TMCC1: variants seen among roughly 807,000 people sequenced by gnomAD.
The protein encoded by TMCC1 is transmembrane and coiled-coil domains protein 1.
A neutral mutation model predicts 52.4 loss-of-function variants in TMCC1; 15 were observed. The ratio of observed to expected loss-of-function variants is 0.29; its 90% CI spans 0.19 to 0.44. The LOEUF is 0.44. Among genes scored for constraint, TMCC1 ranks in the 20% least tolerant of loss-of-function variants. The pLI, the probability that TMCC1 is intolerant of heterozygous loss-of-function variation, is 1.00. For missense variants in TMCC1, 503 were observed against 806.0 expected (o/e 0.62, Z 4.55); for synonymous variants, 279 against 301.9 (o/e 0.92, Z 0.79).
chr3:129,732,607 T>C (rs2050630175), intron 4 of TMCC1, among the ~76,000 whole-genome samples: 1 of 152,096 alleles, frequency 6.6e-6, no homozygotes, highest in Non-Finnish European at 1.5e-5. Flanking sequence ...AGAAAGCTGG[T>C]ATGTTATTTA....
intron 4 of TMCC1, among the ~76,000 whole-genome samples, chr3:129,695,019 C>T (rs1340141203): frequency 7.4e-6 from 1 of 134,654 alleles, no homozygotes; most frequent in African/African-American, 2.7e-5. Context: ...ATCACTTAAG[C>T]CCAGGAGTTG....
intron 2 of TMCC1, among the ~76,000 whole-genome samples, chr3:129,869,901 C>T (rs2060832518): frequency 1.3e-5 from 2 of 152,210 alleles, no homozygotes; most frequent in South Asian, 4.1e-4. Context: ...ATACTGTCCT[C>T]AACAGCAGAA....
At chr3:129,716,764 C>A (rs1040026924) in intron 4 of TMCC1, among the ~76,000 whole-genome samples, 8 of 152,050 alleles carry the variant, frequency 5.3e-5, no homozygotes, top group South Asian at 2.1e-4. Flanking sequence ...GCCATTCATG[C>A]CAAGCTCCCT....
intron 4 of TMCC1, among the ~76,000 whole-genome samples, chr3:129,791,971 CA>C (rs1560428297): frequency 6.6e-6 from 1 of 152,024 alleles, no homozygotes; most frequent in Non-Finnish European, 1.5e-5. Context: ...AAAATTACTG[CA>C]AACGTTTATA....
chr3:129,755,633 C>T (rs1048957055), intron 4 of TMCC1, among the ~76,000 whole-genome samples: 4 of 152,066 alleles, frequency 2.6e-5, no homozygotes, highest in African/African-American at 4.8e-5. Flanking sequence ...CGAACAAACA[C>T]GTGAAAAGAT....
At chr3:129,686,685 C>T (rs1365207154) in intron 4 of TMCC1, among the ~76,000 whole-genome samples, 2 of 151,884 alleles carry the variant, frequency 1.3e-5, no homozygotes, top group Non-Finnish European at 2.9e-5. Context: ...GTGTAAAGTG[C>T]TACAAAGAAA....
At chr3:129,876,684 G>T (rs2061230175) in intron 2 of TMCC1, among the ~76,000 whole-genome samples, 1 of 152,170 alleles carries the variant, frequency 6.6e-6, no homozygotes, top group South Asian at 2.1e-4. Context: ...GCTGGGCGCG[G>T]TGGCTCACGC....
intron 4 of TMCC1, among the ~76,000 whole-genome samples, chr3:129,681,365 C>T (rs966312607): frequency 2.6e-5 from 4 of 151,912 alleles, no homozygotes; most frequent in African/African-American, 7.3e-5. Flanking sequence ...TATAGGAATA[C>T]TCACGGTTTG....
chr3:129,771,172 G>T (rs2054549956), intron 4 of TMCC1, among the ~76,000 whole-genome samples: 1 of 152,126 alleles, frequency 6.6e-6, no homozygotes, highest in South Asian at 2.1e-4. Flanking sequence ...CATAAAGAGT[G>T]GGTACAATTT....
chr3:129,891,920 G>A (rs1372404979), intron 1 of TMCC1, among the ~76,000 whole-genome samples: 1 of 152,168 alleles, frequency 6.6e-6, no homozygotes, highest in Non-Finnish European at 1.5e-5. Flanking sequence ...AAGTAATGGT[G>A]GTTGGTCACC....
intron 4 of TMCC1, among the ~76,000 whole-genome samples, chr3:129,731,465 C>T (rs183103323): frequency 3.0e-3 from 450 of 152,278 alleles, no homozygotes; most frequent in Non-Finnish European, 5.1e-3. Flanking sequence ...GTAATCCCAG[C>T]TACTTGGGAG....
chr3:129,736,742 G>A (rs932186791), intron 4 of TMCC1, among the ~76,000 whole-genome samples: 8 of 151,824 alleles, frequency 5.3e-5, no homozygotes, highest in Admixed American at 3.3e-4. Context: ...GGCTGGTCTC[G>A]AACTCCTGAC....
intron 4 of TMCC1, among the ~76,000 whole-genome samples, chr3:129,685,209 G>A (rs1265794589): frequency 6.6e-6 from 1 of 151,986 alleles, no homozygotes. Flanking sequence ...GAAAGACCAT[G>A]TCTTTACAAA....
At chr3:129,773,507 GCT>G (rs2054780186) in intron 4 of TMCC1, among the ~76,000 whole-genome samples, 1 of 152,086 alleles carries the variant, frequency 6.6e-6, no homozygotes, top group Non-Finnish European at 1.5e-5. Flanking sequence ...CCATGTAAAT[GCT>G]CTATTTAATT....
intron 4 of TMCC1, among the ~76,000 whole-genome samples, chr3:129,681,751 T>C (rs1160688491): frequency 1.3e-5 from 2 of 151,608 alleles, no homozygotes; most frequent in Admixed American, 6.6e-5. Flanking sequence ...TTACTAAAAA[T>C]ACAAAAATTA....
intron 4 of TMCC1, among the ~76,000 whole-genome samples, chr3:129,778,362 C>T (rs2055211928): frequency 6.6e-6 from 1 of 152,152 alleles, no homozygotes; most frequent in Non-Finnish European, 1.5e-5. Context: ...TTAGAAAAGA[C>T]AGGAATTCTA....
intron 2 of TMCC1, among the ~76,000 whole-genome samples, chr3:129,859,651 T>TACAC (rs59213877): frequency 1.3e-4 from 20 of 148,690 alleles, no homozygotes; most frequent in African/African-American, 5.0e-4. Flanking sequence ...CACACACACA[T>TACAC]ACACACACAC....
chr3:129,758,382 C>T (rs1016676723), intron 4 of TMCC1, among the ~76,000 whole-genome samples: 6 of 152,232 alleles, frequency 3.9e-5, no homozygotes, highest in Admixed American at 6.5e-5. Context: ...TACAGATGTG[C>T]GCATATGTGA....
At chr3:129,671,347 G>A in intron 4 of TMCC1, 83 bp from the exon 5 acceptor site, 1 of 1,368,586 alleles carries the variant, frequency 7.3e-7, no homozygotes, top group African/African-American at 1.5e-5. Flanking sequence ...TATTGGAAAT[G>A]TGTCTACTCT....
Sources: gnomAD v4.1 joint callset for allele counts (sites outside exome capture counted in the v4.1 genomes callset) on GRCh38, gnomAD v4.1.1 for gene constraint, MANE v1.5 for transcripts, NCBI Gene and HGNC (gene_info 2026-07-23, HGNC 2026-07-21) for gene names.